The following ZNF804A variants were observed in gnomAD, a reference collection of about 807,000 sequenced individuals.
ZNF804A encodes the protein zinc finger protein 804A.
A neutral mutation model predicts 16.5 loss-of-function variants in ZNF804A; 2 were observed. The observed-to-expected ratio is 0.12, with a 90% CI of 0.05 to 0.38. The LOEUF is 0.38. Among genes scored for constraint, ZNF804A ranks in the 10% least tolerant of loss-of-function variants. ZNF804A has a pLI of 0.99. For synonymous variants in ZNF804A, 534 were observed against 489.6 expected (o/e 1.09, Z -1.20); for missense variants, 1,473 against 1,390.7 (o/e 1.06, Z -0.94).
At chr2:184,694,437 C>G (rs976087267) in intron 1 of ZNF804A, among the ~76,000 whole-genome samples, 7 of 151,998 alleles carry the variant, frequency 4.6e-5, no homozygotes, top group Non-Finnish European at 7.4e-5. Flanking sequence ...ATTATGTGTG[C>G]TTTCATATTC....
Position 184,936,351 on chromosome 2 carries a change from T to A in ZNF804A, c.955T>A (p.Ser319Thr), listed in dbSNP as rs1685786398. The change falls in exon 4 of 4, where the codon TCT (serine) becomes ACT (threonine). Residue 319 changes from serine to threonine, a missense_variant. Coordinates refer to ENST00000302277, the MANE Select transcript of ZNF804A (RefSeq NM_194250.2). The part of the protein sequence containing the change: ...PSFCKFQLQL[S>T]SDADNCQNSV... ...ATTTTGCAAGTTTCAACTTCAGTTA[T>A]CTTCTGATGCAGATAATTGTCAAAA... The A allele has an allele frequency of 6.2e-7, 1 of 1,613,862 alleles. No homozygotes were observed. Among genetic ancestry groups the A allele is most frequent in the African/African-American group, 1.3e-5 (1 of 74,950 alleles).
At chr2:184,819,858 A>G (rs896388959) in intron 1 of ZNF804A, among the ~76,000 whole-genome samples, 1 of 152,064 alleles carries the variant, frequency 6.6e-6, no homozygotes, top group African/African-American at 2.4e-5. Context: ...CCCTCCCAAG[A>G]ATGAATCAGG....
rs145714135 is a variant in ZNF804A, at chr2:184,838,058, G to C, written c.112-28311G>C. Among the ~76,000 whole-genome samples, 1,386 of 152,204 alleles carry C rather than the reference G, an allele frequency of 9.1e-3. 23 individuals are homozygous for C. Among genetic ancestry groups the C allele is most frequent in the African/African-American group, 0.032 (1,325 of 41,532 alleles). On this transcript the variant is annotated intron_variant, in intron 1 of 3. Coordinates refer to ENST00000302277, the MANE Select transcript of ZNF804A (RefSeq NM_194250.2). ...CCAGAAAAAGAGAGAACATGCAGGA[G>C]TGCACGTGGGAGCCTCTCTCAGGGG...
At chr2:184,719,028 T>C (rs1051333206) in intron 1 of ZNF804A, among the ~76,000 whole-genome samples, 6 of 152,218 alleles carry the variant, frequency 3.9e-5, no homozygotes, top group African/African-American at 1.4e-4. Flanking sequence ...TACAGCAAAC[T>C]TCTGCCAGGG....
chr2:184,649,402 G>A (rs1296786216), intron 1 of ZNF804A, among the ~76,000 whole-genome samples: 1 of 151,942 alleles, frequency 6.6e-6, no homozygotes, highest in African/African-American at 2.4e-5. Context: ...TAACCCCAAA[G>A]CTACCAGATG....
intron 1 of ZNF804A, among the ~76,000 whole-genome samples, chr2:184,651,607 C>A (rs1208273291): frequency 1.3e-5 from 2 of 151,822 alleles, no homozygotes; most frequent in Non-Finnish European, 2.9e-5. Context: ...AAGAAACAAA[C>A]AACTTTATTT....
At chr2:184,685,104 G>A (rs535626793) in intron 1 of ZNF804A, among the ~76,000 whole-genome samples, 25 of 152,084 alleles carry the variant, frequency 1.6e-4, no homozygotes, top group Non-Finnish European at 3.2e-4. Context: ...GAGTGAGCGT[G>A]GGGTCTAGCC....
chr2:184,747,850 C>A (rs1156863032), intron 1 of ZNF804A, among the ~76,000 whole-genome samples: 2 of 151,052 alleles, frequency 1.3e-5, no homozygotes, highest in Admixed American at 1.3e-4. Context: ...TTCCTATGCT[C>A]TCTTCTATAT....
At chr2:184,630,286 G>A (rs539530194) in intron 1 of ZNF804A, among the ~76,000 whole-genome samples, 4 of 152,080 alleles carry the variant, frequency 2.6e-5, no homozygotes, top group Non-Finnish European at 5.9e-5. Flanking sequence ...ATTTGGATAC[G>A]GAAGTCCAGA....
At chr2:184,632,690 A>G (rs1332559812) in intron 1 of ZNF804A, among the ~76,000 whole-genome samples, 2 of 152,156 alleles carry the variant, frequency 1.3e-5, no homozygotes, top group Non-Finnish European at 2.9e-5. Flanking sequence ...ACTTAGTTTT[A>G]ATTGTCAGGC....
At chr2:184,830,649 A>G (rs1342995387) in intron 1 of ZNF804A, among the ~76,000 whole-genome samples, 7 of 152,110 alleles carry the variant, frequency 4.6e-5, no homozygotes, top group Non-Finnish European at 1.0e-4. Context: ...TTGTCAGTTC[A>G]TGAGTGGGGA....
chr2:184,738,507 G>C (rs1289926265), intron 1 of ZNF804A, among the ~76,000 whole-genome samples: 1 of 152,158 alleles, frequency 6.6e-6, no homozygotes, highest in Non-Finnish European at 1.5e-5. Flanking sequence ...ATGGTTTACT[G>C]TACAAAGGCA....
chr2:184,623,016 T>C (rs1032308961), intron 1 of ZNF804A, among the ~76,000 whole-genome samples: 2 of 152,070 alleles, frequency 1.3e-5, no homozygotes, highest in African/African-American at 4.8e-5. Context: ...AGAAAGGCAT[T>C]CCCTTTATTT....
At chr2:184,884,582 C>T (rs1574255916) in intron 2 of ZNF804A, among the ~76,000 whole-genome samples, 3 of 152,024 alleles carry the variant, frequency 2.0e-5, no homozygotes, top group African/African-American at 7.2e-5. Flanking sequence ...ACCAGAGCAC[C>T]ATGGTACTGA....
intron 1 of ZNF804A, among the ~76,000 whole-genome samples, chr2:184,795,453 C>A (rs1481860394): frequency 6.6e-6 from 1 of 151,990 alleles, no homozygotes; most frequent in Non-Finnish European, 1.5e-5. Context: ...CACCTAAATG[C>A]TTACATCAAA....
At chr2:184,725,900 G>A (rs983521569) in intron 1 of ZNF804A, among the ~76,000 whole-genome samples, 2 of 151,548 alleles carry the variant, frequency 1.3e-5, no homozygotes, top group Admixed American at 1.3e-4. Context: ...AATCTTTTGA[G>A]TTAGAATTTT....
chr2:184,744,942 T>C (rs760019965), intron 1 of ZNF804A, among the ~76,000 whole-genome samples: 4 of 151,806 alleles, frequency 2.6e-5, no homozygotes, highest in South Asian at 2.1e-4. Flanking sequence ...TTTCAGACAA[T>C]AGGGCCAGAA....
intron 1 of ZNF804A, among the ~76,000 whole-genome samples, chr2:184,823,453 T>C (rs1341636819): frequency 1.3e-5 from 2 of 152,148 alleles, no homozygotes; most frequent in Non-Finnish European, 2.9e-5. Flanking sequence ...GAGTTTCTGA[T>C]CATTTGTTAC....
intron 1 of ZNF804A, among the ~76,000 whole-genome samples, chr2:184,847,893 G>C (rs1202251338): frequency 6.6e-6 from 1 of 152,006 alleles, no homozygotes; most frequent in Non-Finnish European, 1.5e-5. Flanking sequence ...TAAAACTCAG[G>C]AACAGCCAGA....
Sources: allele counts gnomAD v4.1 joint callset (sites outside exome capture counted in the v4.1 genomes callset), GRCh38; gene constraint gnomAD v4.1.1; transcripts MANE v1.5; gene names NCBI Gene and HGNC (gene_info 2026-07-23, HGNC 2026-07-21).